Variants in CFAP77 observed in about 807,000 individuals in gnomAD.
CFAP77 encodes cilia- and flagella-associated protein 77.
In CFAP77, 25 loss-of-function variants were observed where a neutral mutation model predicts 31.1. The observed-to-expected ratio is 0.80, with a 90% confidence interval of 0.59 to 1.12. CFAP77 has a LOEUF of 1.12. Ranked by LOEUF, CFAP77 falls within the 50% of genes most tolerant of loss-of-function variation. CFAP77 has a pLI of 0.00. For missense variants in CFAP77, 377 were observed against 397.3 expected, an observed-to-expected ratio of 0.95 and a Z score of 0.44; for synonymous variants, 151 against 159.9, an observed-to-expected ratio of 0.94 and a Z score of 0.42.
At chr9:132,571,512 C>T (rs1043440021) in intron 5 of CFAP77, among the ~76,000 whole-genome samples, 4 of 152,124 alleles carry the variant, frequency 2.6e-5, no homozygotes, top group East Asian at 1.9e-4. Context: ...AGGGTAGAGC[C>T]GAGTCTCTCT....
intron 1 of CFAP77, among the ~76,000 whole-genome samples, chr9:132,487,094 G>C (rs1589881115): frequency 6.6e-6 from 1 of 152,250 alleles, no homozygotes; most frequent in African/African-American, 2.4e-5. Flanking sequence ...CTTTGGACCC[G>C]AGCTGGGAGC....
In CFAP77 at chr9:132,459,133, GTT is replaced by G. The variant is rs1850985154; in HGVS notation, c.196-39561_196-39560del. 2.7e-5 allele frequency among the ~76,000 whole-genome samples: 4 copies of G among 150,374 alleles called. No homozygotes were observed. In the South Asian group the frequency reaches 8.4e-4, roughly 32 times the overall value. ...GTTGCCCAGGCTGGAGTGCAGTGGC[GTT>G]ATCTTGGCTCACTGCAAGCTCCGCC... On this transcript the variant is annotated intron_variant, in intron 1 of 5. Coordinates refer to ENST00000393216, the MANE Select transcript of CFAP77 (RefSeq NM_001282957.2).
At chr9:132,418,490 C>T (rs1420694332) in intron 1 of CFAP77, among the ~76,000 whole-genome samples, 3 of 152,194 alleles carry the variant, frequency 2.0e-5, no homozygotes, top group Non-Finnish European at 2.9e-5. Context: ...AGAAATGAGC[C>T]GGTTTGGTTT....
chr9:132,531,423 C>A (rs1405619266), intron 3 of CFAP77, among the ~76,000 whole-genome samples: 2 of 152,142 alleles, frequency 1.3e-5, no homozygotes, highest in Non-Finnish European at 2.9e-5. Context: ...TGGGGAGGAG[C>A]CCTCTGGGGA....
intron 1 of CFAP77, among the ~76,000 whole-genome samples, chr9:132,446,468 T>C (rs1253267669): frequency 2.6e-5 from 4 of 151,902 alleles, no homozygotes; most frequent in South Asian, 2.1e-4. Flanking sequence ...AGGTCGGGCG[T>C]GGTGGCTCAC....
At chr9:132,549,351 A>G (rs1185548207) in intron 5 of CFAP77, among the ~76,000 whole-genome samples, 1 of 152,218 alleles carries the variant, frequency 6.6e-6, no homozygotes, top group African/African-American at 2.4e-5. Context: ...GCTTCCTTGC[A>G]TCGGAATAAG....
intron 1 of CFAP77, among the ~76,000 whole-genome samples, chr9:132,440,871 C>CATAG (rs1356833336): frequency 1.4e-4 from 22 of 152,188 alleles, no homozygotes; most frequent in African/African-American, 5.3e-4. Context: ...CCCTATTTTA[C>CATAG]ATAGACACTT....
In CFAP77 at chr9:132,554,927, TCCATCCATCCAC is replaced by T. The variant is rs1169526691; in HGVS notation, c.732+11892_732+11903del. 1.2e-4 allele frequency among the ~76,000 whole-genome samples: 16 copies of T among 138,122 alleles called. No homozygotes were observed. The highest frequency in any genetic ancestry group is 5.9e-4 in the Admixed American group (8 of 13,508). The allele number at this position is 138,122 out of a possible 152,430, so 90.6% of individuals were successfully genotyped here. A position where few individuals can be genotyped will look rare whatever the true frequency, so the allele number is the denominator to read the frequency against. On this transcript the variant is annotated intron_variant, in intron 5 of 5. Coordinates refer to ENST00000393216, the MANE Select transcript of CFAP77 (RefSeq NM_001282957.2). The surrounding 1 kb of genome is among the most constrained non-coding windows in gnomAD (Gnocchi z 4.1). ...ATCCATCTATGCATGCATGCATGCA[TCCATCCATCCAC>T]CCATCCATCCATCCATCCATCCATC...
intron 5 of CFAP77, among the ~76,000 whole-genome samples, chr9:132,559,822 T>C (rs1351739920): frequency 6.6e-6 from 1 of 152,222 alleles, no homozygotes; most frequent in Non-Finnish European, 1.5e-5. Context: ...GGTCCATCCA[T>C]ACAAAGGAAT....
intron 1 of CFAP77, among the ~76,000 whole-genome samples, chr9:132,414,499 T>TCACA (rs34016277): frequency 0.033 from 4,694 of 143,756 alleles, 77 homozygotes; most frequent in East Asian, 0.047. Flanking sequence ...TAGCTCTTAT[T>TCACA]CACACACACA....
intron 3 of CFAP77, among the ~76,000 whole-genome samples, chr9:132,519,612 A>ATGGG (rs1852224404): frequency 8.7e-6 from 1 of 114,830 alleles, no homozygotes; most frequent in Admixed American, 8.9e-5. Context: ...GGATGGATGG[A>ATGGG]TGGATGGTTG....
intron 1 of CFAP77, among the ~76,000 whole-genome samples, chr9:132,417,474 A>C (rs1182993715): frequency 3.3e-5 from 5 of 152,242 alleles, no homozygotes; most frequent in Non-Finnish European, 5.9e-5. Context: ...CCAGGCAGAT[A>C]GAAAACTGCA....
intron 3 of CFAP77, among the ~76,000 whole-genome samples, chr9:132,526,204 A>G (rs1852357225): frequency 6.6e-6 from 1 of 151,984 alleles, no homozygotes; most frequent in African/African-American, 2.4e-5. Context: ...CCATCTGGTA[A>G]GTATGTGTTT....
At chr9:132,572,268 C>G in intron 5 of CFAP77, 120 bp from the exon 6 acceptor site, 1 of 1,292,504 alleles carries the variant, frequency 7.7e-7, no homozygotes, top group Admixed American at 2.2e-5. Flanking sequence ...GACTTCCTCC[C>G]TCTTACAGCT....
At chr9:132,515,442 A>G (rs1408087069) in intron 3 of CFAP77, among the ~76,000 whole-genome samples, 1 of 152,048 alleles carries the variant, frequency 6.6e-6, no homozygotes, top group Non-Finnish European at 1.5e-5. Flanking sequence ...AAAAAAATCT[A>G]TTTTATGGTT....
intron 3 of CFAP77, among the ~76,000 whole-genome samples, chr9:132,531,037 GAA>G (rs1323152135): frequency 2.6e-5 from 4 of 152,158 alleles, no homozygotes; most frequent in Non-Finnish European, 5.9e-5. Flanking sequence ...ACCATTTGTT[GAA>G]AAGACTATCC....
intron 1 of CFAP77, among the ~76,000 whole-genome samples, chr9:132,487,322 A>T (rs1829741394): frequency 6.6e-6 from 1 of 152,046 alleles, no homozygotes; most frequent in South Asian, 2.1e-4. Context: ...TATGCCAGCT[A>T]CCCAATTCTC....
intron 3 of CFAP77, among the ~76,000 whole-genome samples, chr9:132,509,986 A>G (rs574197755): frequency 1.3e-5 from 2 of 152,102 alleles, no homozygotes; most frequent in African/African-American, 4.8e-5. Context: ...GGACAGAGAC[A>G]TTTTTCATGC....
chr9:132,503,362 C>T lies in CFAP77; in HGVS notation c.524+3762C>T, dbSNP rs576390665. Among the ~76,000 whole-genome samples the T allele has an allele frequency of 3.1e-3, 467 of 152,336 alleles. 4 individuals are homozygous for T. The highest frequency in any genetic ancestry group is 0.01 in the African/African-American group (428 of 41,574). On this transcript the variant is annotated intron_variant, in intron 3 of 5. Coordinates refer to ENST00000393216, the MANE Select transcript of CFAP77 (RefSeq NM_001282957.2). ...TGTGCACTAGGTCACTAGATCAGTC[C>T]ATGCTGGTGACCAAGTGTCACAAAG...
Sources: gnomAD v4.1 joint callset for allele counts (sites outside exome capture counted in the v4.1 genomes callset) on GRCh38, gnomAD v4.1.1 for gene constraint, Gnocchi (gnomAD v3.1) non-coding constraint, MANE v1.5 for transcripts, NCBI Gene and HGNC (gene_info 2026-07-23, HGNC 2026-07-21) for gene names.